Variants in BIN1 observed in about 807,000 individuals in gnomAD.
BIN1 encodes myc box-dependent-interacting protein 1.
BIN1 carries 53 observed loss-of-function variants against 82.0 expected under a neutral mutation model. The observed-to-expected ratio is 0.65, with a 90% confidence interval of 0.52 to 0.81. The LOEUF is 0.81. Ranked by LOEUF, BIN1 falls within the 40% of genes least tolerant of loss-of-function variation. The pLI, the probability that BIN1 is intolerant of heterozygous loss-of-function variation, is 0.00. For missense variants in BIN1, 642 were observed against 784.4 expected (o/e 0.82, Z 2.17); for synonymous variants, 302 against 328.0 (o/e 0.92, Z 0.86).
At chr2:127,091,190 C>A (rs1678877275) in intron 1 of BIN1, among the ~76,000 whole-genome samples, 1 of 152,204 alleles carries the variant, frequency 6.6e-6, no homozygotes, top group African/African-American at 2.4e-5. Context: ...CTTTAGATAG[C>A]GCCCACCCAG....
In BIN1 at chr2:127,067,127, G is replaced by A. The variant is rs1685246453; in HGVS notation, c.612+1036C>T. Reference sequence around the variant, plus strand: ...CAGCAAGCCATGCCAAGCCCACCCAGAGCTCTCCACGTCACAGGCACTCAA... The same window carrying A: ...CAGCAAGCCATGCCAAGCCCACCCAAAGCTCTCCACGTCACAGGCACTCAA... On this transcript the variant is annotated intron_variant, in intron 7 of 18. Transcript: ENST00000316724. The surrounding 1 kb of genome is among the most constrained non-coding windows in gnomAD (Gnocchi z 4.7). Among the ~76,000 whole-genome samples, 1 of 151,488 alleles carries A rather than the reference G, an allele frequency of 6.6e-6. No homozygotes were observed. The highest frequency in any genetic ancestry group is 1.5e-5 in the Non-Finnish European group (1 of 67,910).
Position 127,076,516 on chromosome 2 carries a change from T to C in BIN1, c.165+110A>G, listed in dbSNP as rs185977632. On this transcript the variant is annotated intron_variant, in intron 2 of 18. Coordinates refer to ENST00000316724, the MANE Select transcript of BIN1 (RefSeq NM_139343.3). ...CTTACATGATCTTGTCAGCCCACACTGATTACCCTCCTCCAAGCTCTCGTA... is the reference window on the plus strand; with the variant it reads ...CTTACATGATCTTGTCAGCCCACACCGATTACCCTCCTCCAAGCTCTCGTA... The C allele has an allele frequency of 8.3e-4, 1,051 of 1,262,580 alleles. 10 individuals are homozygous for C. In the Admixed American group the frequency reaches 0.017, roughly 20 times the overall value. The allele number at this position is 1,262,580 out of a possible 1,614,324, so 78.2% of individuals were successfully genotyped here. A position where few individuals can be genotyped will look rare whatever the true frequency, so the allele number is the denominator to read the frequency against.
intron 12 of BIN1, chr2:127,054,567 G>A (rs867242694): frequency 1.3e-5 from 2 of 157,954 alleles, no homozygotes; most frequent in Admixed American, 6.2e-5. Flanking sequence ...ACTCTCTGGC[G>A]ACACCACCAG....
rs1687397158 is a variant in BIN1 at position 127,082,275 on chromosome 2, G to T, written c.85-5569C>A. On this transcript the variant is annotated intron_variant, in intron 1 of 18. Coordinates refer to ENST00000316724, the MANE Select transcript of BIN1 (RefSeq NM_139343.3). This position sits in a 1 kb window ranked among gnomAD's most constrained non-coding sequence, Gnocchi z 6.1. ...CAGCTCGGGTCAGCCAAGCTGGGGA[G>T]CTGTGGATGATGACACAGGGCTGGC... is the stretch of plus-strand genomic sequence containing the variant. Among the ~76,000 whole-genome samples, 1 of 152,174 alleles carries T rather than the reference G, an allele frequency of 6.6e-6. No individual in the cohort carries two copies. The highest frequency in any genetic ancestry group is 1.5e-5 in the Non-Finnish European group (1 of 68,022).
chr2:127,093,398 C>A lies in BIN1; in HGVS notation c.84+13462G>T, dbSNP rs1396168655. Among the ~76,000 whole-genome samples, 1 of 152,164 alleles carries A rather than the reference C, an allele frequency of 6.6e-6. No homozygotes were observed. The highest frequency in any genetic ancestry group is 1.5e-5 in the Non-Finnish European group (1 of 68,038). ...GACCAAAACCCCTTTTCCCCAAAGC[C>A]AGCCATGAAACCCAGATAGTTCACT... On this transcript the variant is annotated intron_variant, in intron 1 of 18. Transcript: ENST00000316724. The surrounding 1 kb of genome is among the most constrained non-coding windows in gnomAD (Gnocchi z 5.7).
At position 127,107,108 on chromosome 2, in the gene BIN1, G is replaced by C. The variant is rs961239503; in HGVS notation, c.-165C>G. 2 of 709,660 alleles carry C rather than the reference G, an allele frequency of 2.8e-6. No individual in the cohort carries two copies. The highest frequency in any genetic ancestry group is 7.9e-5 in the South Asian group (2 of 25,306). The allele number at this position is 709,660 out of a possible 1,614,324, so 44.0% of individuals were successfully genotyped here. ...GACGGAGGCGGAGCGTGCGCCGGAC[G>C]GGCGAGCGAGCCAGCGAGCTAGCCA... On this transcript the variant is annotated 5_prime_UTR_variant, in exon 1 of 19. Transcript: ENST00000316724. This position sits in a 1 kb window ranked among gnomAD's most constrained non-coding sequence, Gnocchi z 5.9.
At chr2:127,074,913 G>A (rs997459483) in intron 2 of BIN1, among the ~76,000 whole-genome samples, 4 of 152,156 alleles carry the variant, frequency 2.6e-5, no homozygotes, top group African/African-American at 9.7e-5. Flanking sequence ...ATATTGGCCA[G>A]GCTGGTCTCA....
At position 127,093,585 on chromosome 2, in the gene BIN1, C is replaced by A. The variant is rs1679213709; in HGVS notation, c.84+13275G>T. 1.3e-5 allele frequency among the ~76,000 whole-genome samples: 2 copies of A among 152,206 alleles called. No homozygotes were observed. The highest frequency in any genetic ancestry group is 4.8e-5 in the African/African-American group (2 of 41,452). ...CACCATTAGGTCACACCCGTTGTCC[C>A]ATCATATGTCTACACGGCTGTCCAT... On this transcript the variant is annotated intron_variant, in intron 1 of 18. Coordinates refer to ENST00000316724, the MANE Select transcript of BIN1 (RefSeq NM_139343.3). The surrounding 1 kb of genome is among the most constrained non-coding windows in gnomAD (Gnocchi z 5.7).
At position 127,079,478 on chromosome 2, in the gene BIN1, G is replaced by T. The variant is rs78827667; in HGVS notation, c.85-2772C>A. On this transcript the variant is annotated intron_variant, in intron 1 of 18. Coordinates refer to ENST00000316724, the MANE Select transcript of BIN1 (RefSeq NM_139343.3). ...GCCCTCACACCGGGTCCAGGCTGAC[G>T]GCATCCCAAGATGTGAGACAGAAGT... Among the ~76,000 whole-genome samples, 337 of 152,282 alleles carry T rather than the reference G, an allele frequency of 2.2e-3. 1 individual carries two copies. The highest frequency in any genetic ancestry group is 3.5e-3 in the Non-Finnish European group (237 of 68,026).
intron 2 of BIN1, among the ~76,000 whole-genome samples, chr2:127,073,401 G>T (rs1031607432): frequency 6.6e-6 from 1 of 152,220 alleles, no homozygotes; most frequent in South Asian, 2.1e-4. Flanking sequence ...GCTGGGGGAA[G>T]ATAAGATTCG....
rs534044116 is a variant in BIN1 at position 127,093,168 on chromosome 2, C to G, written c.84+13692G>C. On this transcript the variant is annotated intron_variant, in intron 1 of 18. Coordinates refer to ENST00000316724, the MANE Select transcript of BIN1 (RefSeq NM_139343.3). This position sits in a 1 kb window ranked among gnomAD's most constrained non-coding sequence, Gnocchi z 5.7. The stretch of plus-strand genomic sequence containing the variant: ...ACAGTATCACCTGGAGCCTGGCCCC[C>G]ACAAGGCCCTGTCGGGGCTCAGAAC... 1.3e-3 allele frequency among the ~76,000 whole-genome samples: 198 copies of G among 152,116 alleles called. No homozygotes were observed. Among genetic ancestry groups the G allele is most frequent in the Non-Finnish European group, 2.5e-3 (169 of 68,002 alleles).
chr2:127,063,455 CG>C, intron 9 of BIN1, 115 bp downstream of exon 9: 1 of 1,137,428 alleles, frequency 8.8e-7, no homozygotes, highest in Non-Finnish European at 1.3e-6. Context: ...CTGTGGTCAC[CG>C]GTGTGTGCTG....
chr2:127,053,229 G>T, intron 14 of BIN1, 193 bp downstream of exon 14: 1 of 766,902 alleles, frequency 1.3e-6, no homozygotes. Context: ...CCTGCCAGAG[G>T]GAGAAGCAGC....
chr2:127,088,132 G>T (rs747461548), intron 1 of BIN1, among the ~76,000 whole-genome samples: 1 of 152,222 alleles, frequency 6.6e-6, no homozygotes, highest in Admixed American at 6.5e-5. Flanking sequence ...GGTGGCTGTG[G>T]TGGTCACACT....
chr2:127,087,504 G>A (rs1384057185), intron 1 of BIN1, among the ~76,000 whole-genome samples: 2 of 152,250 alleles, frequency 1.3e-5, no homozygotes, highest in Non-Finnish European at 2.9e-5. Flanking sequence ...GGCTGCGGTG[G>A]CCTGGGGAGC....
In BIN1 at chr2:127,070,546, T is replaced by G. The variant is rs1573647825; in HGVS notation, c.315+7A>C. 1.2e-6 allele frequency: 2 copies of G among 1,613,872 alleles called. No individual in the cohort carries two copies. Among genetic ancestry groups the G allele is most frequent in the Middle Eastern group, 1.7e-4 (1 of 6,060 alleles). On this transcript the variant is annotated splice_region_variant and intron_variant, in intron 4 of 18. Coordinates refer to ENST00000316724, the MANE Select transcript of BIN1 (RefSeq NM_139343.3). ...GAGAAGGGCAGGCCCACCTGTCCCA[T>G]GCTCACCTCTGCGATCTTGTTTGCC...
intron 1 of BIN1, among the ~76,000 whole-genome samples, chr2:127,099,469 A>C (rs1311599373): frequency 6.6e-6 from 1 of 152,194 alleles, no homozygotes; most frequent in Admixed American, 6.5e-5. Flanking sequence ...ATACTGTAGC[A>C]GTAACAGAAA....
rs1201886185 is a variant in BIN1 at position 127,093,830 on chromosome 2, C to CCCTT, written c.84+13026_84+13029dup. On this transcript the variant is annotated intron_variant, in intron 1 of 18. Transcript: ENST00000316724. The surrounding 1 kb of genome is among the most constrained non-coding windows in gnomAD (Gnocchi z 5.7). ...GCCGCTCTCTCTGGACAATCCCCTC[C>CCCTT]CCTTCCTTCCTTCCCAAGGCCTCAA... is the stretch of plus-strand genomic sequence containing the variant. Among the ~76,000 whole-genome samples the CCCTT allele has an allele frequency of 1.3e-5, 2 of 152,354 alleles. No individual in the cohort carries two copies. The highest frequency in any genetic ancestry group is 4.8e-5 in the African/African-American group (2 of 41,580).
Position 127,106,965 on chromosome 2 carries a change from T to C in BIN1, c.-22A>G. 1 of 1,602,672 alleles carries C rather than the reference T, an allele frequency of 6.2e-7. No individual in the cohort carries two copies. Among genetic ancestry groups the C allele is most frequent in the Non-Finnish European group, 8.5e-7 (1 of 1,176,066 alleles). On this transcript the variant is annotated 5_prime_UTR_variant, in exon 1 of 19. Coordinates refer to ENST00000316724, the MANE Select transcript of BIN1 (RefSeq NM_139343.3). ...CCATCGCGGCGCAGGCCTCGCCCGG[T>C]GGCAGGGGCCGCTCTCGCGCGGGGA...
Sources: allele counts gnomAD v4.1 joint callset (sites outside exome capture counted in the v4.1 genomes callset), GRCh38; gene constraint gnomAD v4.1.1; non-coding constraint Gnocchi (gnomAD v3.1); transcripts MANE v1.5; gene names NCBI Gene and HGNC (gene_info 2026-07-23, HGNC 2026-07-21).